The following BNC2 variants were observed in gnomAD, a reference collection of about 807,000 sequenced individuals.
The protein encoded by BNC2 is zinc finger protein basonuclin-2.
Under a neutral mutation model 76.3 loss-of-function variants are expected in BNC2, and 20 were observed. The ratio of observed to expected loss-of-function variants is 0.26; its 90% CI spans 0.18 to 0.38. The LOEUF is 0.38. Ranked by LOEUF, BNC2 falls within the 10% of genes least tolerant of loss-of-function variation. The probability of loss-of-function intolerance (pLI) is 1.00; values close to 1 mark genes in which losing one functional copy is unlikely to be tolerated. For missense variants in BNC2, 1,382 were observed against 1,399.8 expected (o/e 0.99, Z 0.20); for synonymous variants, 582 against 514.8 (o/e 1.13, Z -1.77).
rs1287605715 is a variant in BNC2 at position 16,560,841 on chromosome 9, A to T, written c.434-8076T>A. On this transcript the variant is annotated intron_variant, in intron 4 of 6. Transcript: ENST00000380672. ...TTGTCACATGGGAGACATGACACCTATCCAGCAGGAACAAAAGCTGGTGAA... is the reference window on the plus strand; with the variant it reads ...TTGTCACATGGGAGACATGACACCTTTCCAGCAGGAACAAAAGCTGGTGAA... Among the ~76,000 whole-genome samples the T allele has an allele frequency of 2.0e-5, 3 of 152,268 alleles. No homozygotes were observed. In the East Asian group the frequency reaches 5.8e-4, roughly 29 times the overall value.
chr9:16,528,576 T>C (rs1817881950), intron 5 of BNC2, among the ~76,000 whole-genome samples: 4 of 152,214 alleles, frequency 2.6e-5, no homozygotes, highest in South Asian at 4.1e-4. Context: ...GCAGATGTCA[T>C]ATTTACCCAA....
chr9:16,676,843 C>T (rs75311658), intron 3 of BNC2, among the ~76,000 whole-genome samples: 1,979 of 152,106 alleles, frequency 0.013, 49 homozygotes, highest in African/African-American at 0.045. Flanking sequence ...TGTAAATATT[C>T]ACTAACACAC....
At chr9:16,619,666 C>T (rs1055361398) in intron 3 of BNC2, among the ~76,000 whole-genome samples, 4 of 152,126 alleles carry the variant, frequency 2.6e-5, no homozygotes, top group Admixed American at 6.5e-5. Flanking sequence ...TGAGCTGACA[C>T]AATGAATTTC....
chr9:16,423,693 C>T (rs1267927552), intron 6 of BNC2, among the ~76,000 whole-genome samples: 1 of 151,996 alleles, frequency 6.6e-6, no homozygotes, highest in African/African-American at 2.4e-5. Flanking sequence ...ACAGAATATC[C>T]AAGGAAAGGT....
chr9:16,548,126 G>C (rs1818545411), intron 5 of BNC2, among the ~76,000 whole-genome samples: 1 of 152,110 alleles, frequency 6.6e-6, no homozygotes, highest in Non-Finnish European at 1.5e-5. Context: ...TCTGAATTCT[G>C]GCAGGACCCA....
At chr9:16,516,485 C>T (rs370167049) in intron 5 of BNC2, among the ~76,000 whole-genome samples, 92 of 152,228 alleles carry the variant, frequency 6.0e-4, no homozygotes, top group African/African-American at 2.2e-3. Flanking sequence ...ATAAATATCA[C>T]TTATGTATCA....
intron 1 of BNC2, among the ~76,000 whole-genome samples, chr9:16,758,378 C>T (rs377479069): frequency 2.8e-4 from 42 of 151,578 alleles, no homozygotes; most frequent in African/African-American, 9.2e-4. Flanking sequence ...TTCACTCTGT[C>T]GCCCAGGCTG....
At chr9:16,598,850 T>C (rs1820166582) in intron 3 of BNC2, among the ~76,000 whole-genome samples, 1 of 152,196 alleles carries the variant, frequency 6.6e-6, no homozygotes, top group Non-Finnish European at 1.5e-5. Context: ...TACCTGGAAA[T>C]TAAATGAGAT....
chr9:16,708,189 T>C (rs1264459743), intron 3 of BNC2, among the ~76,000 whole-genome samples: 3 of 152,214 alleles, frequency 2.0e-5, no homozygotes, highest in African/African-American at 7.2e-5. Flanking sequence ...GGGTACAATG[T>C]GAGTAGATCA....
chr9:16,727,754 C>T (rs1181596706), intron 3 of BNC2, 43 bp downstream of exon 3: 3 of 1,558,352 alleles, frequency 1.9e-6, no homozygotes, highest in Non-Finnish European at 2.6e-6. Flanking sequence ...TTCAAGGTTT[C>T]TTAAAAAAAA....
intron 5 of BNC2, among the ~76,000 whole-genome samples, chr9:16,468,097 G>C (rs1394216473): frequency 1.4e-5 from 2 of 143,992 alleles, no homozygotes; most frequent in Admixed American, 1.4e-4. Flanking sequence ...CTGGAGTGCA[G>C]TGGCACCAAC....
Position 16,693,327 on chromosome 9 carries a change from C to A in BNC2, c.330+34470G>T, listed in dbSNP as rs74676987. 7.9e-5 allele frequency among the ~76,000 whole-genome samples: 12 copies of A among 152,174 alleles called. No homozygotes were observed. In the East Asian group the frequency reaches 2.1e-3, roughly 27 times the overall value. On this transcript the variant is annotated intron_variant, in intron 3 of 6. Transcript: ENST00000380672. ...TCCAGAGAACGTGCATGAATAAAAT[C>A]TGAAGAACCCAACCCTCTGGGGGTG... is the stretch of plus-strand genomic sequence containing the variant.
Position 16,610,294 on chromosome 9 carries a change from T to C in BNC2, c.331-27209A>G, listed in dbSNP as rs80209256. ...TTGGGAGCCCCCTTTGCTCATCTAATGGTTTTCATGCCTGCCAGATGCACC... is the reference window on the plus strand; with the variant it reads ...TTGGGAGCCCCCTTTGCTCATCTAACGGTTTTCATGCCTGCCAGATGCACC... On this transcript the variant is annotated intron_variant, in intron 3 of 6. Transcript: ENST00000380672. Among the ~76,000 whole-genome samples the C allele has an allele frequency of 2.4e-4, 37 of 152,242 alleles. 3 individuals are homozygous for C. In the East Asian group the frequency reaches 7.0e-3, roughly 29 times the overall value.
At chr9:16,729,722 A>T (rs1824452252) in intron 2 of BNC2, among the ~76,000 whole-genome samples, 1 of 152,128 alleles carries the variant, frequency 6.6e-6, no homozygotes, top group African/African-American at 2.4e-5. Context: ...CCTACGAGTC[A>T]ATTGTCAACA....
chr9:16,596,650 T>C (rs1176987812), intron 3 of BNC2, among the ~76,000 whole-genome samples: 25 of 152,096 alleles, frequency 1.6e-4, no homozygotes, highest in Non-Finnish European at 1.0e-4. Context: ...ATTTTGAACA[T>C]TTAAGAGAAA....
intron 1 of BNC2, among the ~76,000 whole-genome samples, chr9:16,822,092 CAAAAAAA>C (rs531393812): frequency 1.2e-4 from 4 of 32,626 alleles, no homozygotes; most frequent in African/African-American, 3.4e-4. Flanking sequence ...GACTCCATCT[CAAAAAAA>C]AAAAAAAAAA....
chr9:16,723,669 T>C (rs745404807), intron 3 of BNC2, among the ~76,000 whole-genome samples: 4 of 152,140 alleles, frequency 2.6e-5, no homozygotes, highest in Non-Finnish European at 5.9e-5. Context: ...TTATTTATCA[T>C]TTCTCTGAAA....
chr9:16,527,653 T>C (rs1817846740), intron 5 of BNC2, among the ~76,000 whole-genome samples: 1 of 152,168 alleles, frequency 6.6e-6, no homozygotes, highest in Admixed American at 6.5e-5. Context: ...TAAAGAGTTA[T>C]TAATGGTGAC....
chr9:16,467,436 T>C (rs1189815491), intron 5 of BNC2, among the ~76,000 whole-genome samples: 1 of 145,748 alleles, frequency 6.9e-6, no homozygotes, highest in Non-Finnish European at 1.5e-5. Context: ...CCAACCCAAA[T>C]GTCCAACAAT....
Sources: gnomAD v4.1 joint callset for allele counts (sites outside exome capture counted in the v4.1 genomes callset) on GRCh38, gnomAD v4.1.1 for gene constraint, MANE v1.5 for transcripts, NCBI Gene and HGNC (gene_info 2026-07-23, HGNC 2026-07-21) for gene names.